The following MTUS1 variants were observed in gnomAD, a reference collection of about 807,000 sequenced individuals.
The protein encoded by MTUS1 is microtubule associated scaffold protein 1.
In MTUS1, 109 loss-of-function variants were observed where a neutral mutation model predicts 120.8. The ratio of observed to expected loss-of-function variants is 0.90; its 90% CI spans 0.77 to 1.06. The LOEUF (loss-of-function observed/expected upper bound fraction) is 1.06. Ranked by LOEUF, MTUS1 falls within the 50% of genes least tolerant of loss-of-function variation. The probability of loss-of-function intolerance (pLI) is 0.00; values close to 1 mark genes in which losing one functional copy is unlikely to be tolerated. For synonymous variants in MTUS1, 737 were observed against 550.5 expected (o/e 1.34, Z -4.74); for missense variants, 2,210 against 1,486.3 (o/e 1.49, Z -8.01).
chr8:17,679,687 G>T (rs1410641663), intron 7 of MTUS1, among the ~76,000 whole-genome samples: 2 of 151,878 alleles, frequency 1.3e-5, no homozygotes, highest in Admixed American at 1.3e-4. Flanking sequence ...TTTTTTGGTA[G>T]AGACAGGGTT....
intron 8 of MTUS1, chr8:17,674,802 C>T (rs1812746532): frequency 9.7e-7 from 1 of 1,030,330 alleles, no homozygotes; most frequent in Admixed American, 5.4e-5. Context: ...CTTGGAAGTA[C>T]AACGGATTTA....
At position 17,697,588 on chromosome 8, in the gene MTUS1, A is replaced by C. The variant is rs1173038942; in HGVS notation, c.2624-13046T>G. On this transcript the variant is annotated intron_variant, in intron 6 of 14. Transcript: ENST00000693296. ...TTCTGGCTTCCGTTTTCACTTTCAG[A>C]TGTTGCCAAAATGATGCTCTTCCTC... 3.0e-6 allele frequency: 4 copies of C among 1,332,406 alleles called. No homozygotes were observed. In the African/African-American group the frequency reaches 4.4e-5, roughly 15 times the overall value. 82.5% of individuals were successfully genotyped at this position (1,332,406 alleles called of 1,614,324 possible). A position where few individuals can be genotyped will look rare whatever the true frequency, so the allele number is the denominator to read the frequency against.
At chr8:17,699,335 A>G (rs898340967) in intron 6 of MTUS1, among the ~76,000 whole-genome samples, 2 of 152,138 alleles carry the variant, frequency 1.3e-5, no homozygotes, top group East Asian at 1.9e-4. Flanking sequence ...CTCCTGCCTC[A>G]GCCTCCGTAG....
At position 17,672,950 on chromosome 8, in the gene MTUS1, A is replaced by G. The variant is rs368815342; in HGVS notation, c.2905+2236T>C. ...CTAAAATGTAAAAAGAGCATCCTTC[A>G]TTGAAGCAGAGCGAATGGGCACAGT... is the stretch of plus-strand genomic sequence containing the variant. On this transcript the variant is annotated intron_variant, in intron 8 of 14. Coordinates refer to ENST00000693296, the MANE Select transcript of MTUS1 (RefSeq NM_001363059.2). Among the ~76,000 whole-genome samples, 23 of 152,326 alleles carry G rather than the reference A, an allele frequency of 1.5e-4. No homozygotes were observed. In the East Asian group the frequency reaches 3.5e-3, roughly 23 times the overall value.
chr8:17,733,573 A>G (rs978877024), intron 3 of MTUS1, among the ~76,000 whole-genome samples: 4 of 152,124 alleles, frequency 2.6e-5, no homozygotes, highest in African/African-American at 7.2e-5. Context: ...TAAACTTGAT[A>G]AACTATCCAA....
chr8:17,713,229 T>A lies in MTUS1; in HGVS notation c.2608A>T (p.Thr870Ser), dbSNP rs375576260. The A allele has an allele frequency of 1.9e-6, 3 of 1,598,724 alleles. No individual in the cohort carries two copies. In the African/African-American group the frequency reaches 4.0e-5, roughly 21 times the overall value. The change falls in exon 6 of 15, where the codon ACA (threonine) becomes TCA (serine). Residue 870 changes from threonine to serine, a missense_variant. Coordinates refer to ENST00000693296, the MANE Select transcript of MTUS1 (RefSeq NM_001363059.2). The part of the protein sequence containing the change: ...PKGPSRKNLF[T>S]ALNAVEKSRQ... Reference sequence around the variant, plus strand: ...GGTCACTCACCTGCATTAAGAGCTGTAAATAAATTTTTTCTCGAAGGACCT... The same window carrying A: ...GGTCACTCACCTGCATTAAGAGCTGAAAATAAATTTTTTCTCGAAGGACCT...
At chr8:17,723,903 TA>T (rs2046019961) in intron 3 of MTUS1, 70 bp from the exon 4 acceptor site, 1 of 1,335,578 alleles carries the variant, frequency 7.5e-7, no homozygotes, top group African/African-American at 1.5e-5. Context: ...TTTAAGCCTG[TA>T]AACTCAAACT....
At chr8:17,719,507 T>C (rs1285292283) in intron 4 of MTUS1, among the ~76,000 whole-genome samples, 2 of 152,180 alleles carry the variant, frequency 1.3e-5, no homozygotes, top group African/African-American at 4.8e-5. Flanking sequence ...TTAACAGTGG[T>C]CTGGATAATA....
intron 1 of MTUS1, among the ~76,000 whole-genome samples, chr8:17,781,757 C>T (rs2050894357): frequency 6.6e-6 from 1 of 152,210 alleles, no homozygotes; most frequent in South Asian, 2.1e-4. Context: ...ATGTGATCAA[C>T]CTCTGGCATC....
intron 6 of MTUS1, among the ~76,000 whole-genome samples, chr8:17,691,685 C>T (rs562938878): frequency 2.6e-5 from 4 of 151,604 alleles, no homozygotes; most frequent in Non-Finnish European, 5.9e-5. Context: ...CCTTTTCACA[C>T]GCAAATGCTA....
intron 3 of MTUS1, among the ~76,000 whole-genome samples, chr8:17,724,867 T>G (rs187281250): frequency 6.6e-6 from 1 of 152,226 alleles, no homozygotes; most frequent in South Asian, 2.1e-4. Context: ...AAAGTACTTA[T>G]TGAGTACTCT....
intron 13 of MTUS1, among the ~76,000 whole-genome samples, chr8:17,647,937 T>G (rs545609960): frequency 3.3e-4 from 50 of 152,194 alleles, no homozygotes; most frequent in Non-Finnish European, 6.2e-4. Flanking sequence ...GGAACCTGAT[T>G]GTTCTTAAGA....
chr8:17,798,301 A>G (rs1353632551), intron 1 of MTUS1, among the ~76,000 whole-genome samples: 1 of 152,134 alleles, frequency 6.6e-6, no homozygotes. Context: ...AAGTTCTTGC[A>G]ATGAATTTGA....
At chr8:17,667,912 T>C (rs376573794) in intron 8 of MTUS1, among the ~76,000 whole-genome samples, 2 of 152,336 alleles carry the variant, frequency 1.3e-5, no homozygotes, top group African/African-American at 4.8e-5. Context: ...TTGTTATACC[T>C]AGCTCATAAT....
intron 6 of MTUS1, among the ~76,000 whole-genome samples, chr8:17,705,272 C>T (rs1035468244): frequency 2.0e-5 from 3 of 152,208 alleles, no homozygotes; most frequent in East Asian, 1.9e-4. Flanking sequence ...GCGTGAGCCA[C>T]CATGCACAGC....
At chr8:17,733,196 C>CA in intron 3 of MTUS1, among the ~76,000 whole-genome samples, 1 of 151,982 alleles carries the variant, frequency 6.6e-6, no homozygotes, top group East Asian at 1.9e-4. Context: ...ACTAAGAATA[C>CA]AAAAACTAGC....
chr8:17,767,476 T>G (rs1417696962), intron 1 of MTUS1, among the ~76,000 whole-genome samples: 1 of 151,124 alleles, frequency 6.6e-6, no homozygotes, highest in Non-Finnish European at 1.5e-5. Context: ...GCAGGAGGAT[T>G]GCTTGAGGCC....
intron 1 of MTUS1, among the ~76,000 whole-genome samples, chr8:17,784,977 G>A (rs1238316635): frequency 1.3e-5 from 2 of 151,820 alleles, no homozygotes; most frequent in Non-Finnish European, 2.9e-5. Context: ...TAGAAACGGG[G>A]TTTCACCATG....
intron 8 of MTUS1, among the ~76,000 whole-genome samples, chr8:17,657,331 G>A (rs1323763184): frequency 6.6e-6 from 1 of 151,602 alleles, no homozygotes; most frequent in East Asian, 2.0e-4. Context: ...CACTTTGGGA[G>A]GCCGAGGCGG....
Sources: gnomAD v4.1 joint callset for allele counts (sites outside exome capture counted in the v4.1 genomes callset) on GRCh38, gnomAD v4.1.1 for gene constraint, MANE v1.5 for transcripts, NCBI Gene and HGNC (gene_info 2026-07-23, HGNC 2026-07-21) for gene names.